The following C18orf54 variants were observed in gnomAD, a reference collection of about 807,000 sequenced individuals.
C18orf54 encodes the protein chromosome 18 open reading frame 54.
Under a neutral mutation model 49.3 loss-of-function variants are expected in C18orf54, and 49 were observed. That is an observed-to-expected ratio of 0.99 (90% CI 0.79 to 1.26). C18orf54 has a LOEUF of 1.26. C18orf54 is among the 50% of genes most tolerant of loss of function. The pLI, the probability that C18orf54 is intolerant of heterozygous loss-of-function variation, is 0.00. For synonymous variants in C18orf54, 211 were observed against 216.6 expected (o/e 0.97, Z 0.23); for missense variants, 687 against 620.6 (o/e 1.11, Z -1.14).
In C18orf54 at chr18:54,381,812, T is replaced by C. The variant is rs1315649709; in HGVS notation, c.*3566T>C. The C allele has an allele frequency of 1.3e-5, 2 of 152,220 alleles. No individual in the cohort carries two copies. Among genetic ancestry groups the C allele is most frequent in the Non-Finnish European group, 2.9e-5 (2 of 68,020 alleles). The allele number at this position is 152,220 out of a possible 1,614,324, so 9.4% of individuals were successfully genotyped here. On this transcript the variant is annotated 3_prime_UTR_variant, in exon 9 of 9. Coordinates refer to ENST00000620105, the MANE Select transcript of C18orf54 (RefSeq NM_001288980.2). Reference sequence around the variant, plus strand: ...TTAATGTTTTGGGTGGTGCCTCTTATACTATGTTGTATTCCTAGACAAGGA... The same window carrying C: ...TTAATGTTTTGGGTGGTGCCTCTTACACTATGTTGTATTCCTAGACAAGGA...
At position 54,362,192 on chromosome 18, in the gene C18orf54, G is replaced by A. The variant is rs1599326932; in HGVS notation, c.833G>A (p.Arg278Lys). The change falls in exon 4 of 9, where the codon AGG becomes AAG. Residue 278 changes from arginine to lysine, a missense_variant. Coordinates refer to ENST00000620105, the MANE Select transcript of C18orf54 (RefSeq NM_001288980.2). ...QDLLPDANSQ[R>K]VYQIFKDDQC... ...TTGCTACCTGATGCAAATAGTCAAA[G>A]GGTTTATCAGATATTTAAAGATGAT... 10 of 1,536,150 alleles carry A rather than the reference G, an allele frequency of 6.5e-6. No individual in the cohort carries two copies. The highest frequency in any genetic ancestry group is 7.8e-6 in the Non-Finnish European group (9 of 1,146,886).
chr18:54,372,559 C>A lies in C18orf54; in HGVS notation c.1420C>A (p.Gln474Lys). 1 of 1,608,728 alleles carries A rather than the reference C, an allele frequency of 6.2e-7. No individual in the cohort carries two copies. The highest frequency in any genetic ancestry group is 8.5e-7 in the Non-Finnish European group (1 of 1,176,910). The change falls in exon 7 of 9, where the codon CAA becomes AAA. Residue 474 changes from glutamine to lysine, a missense_variant. Gln to Lys is a moderately conservative substitution (Grantham distance 53). Coordinates refer to ENST00000620105, the MANE Select transcript of C18orf54 (RefSeq NM_001288980.2). Reference sequence around the variant, plus strand: ...TCAAGCAGTACAAGAACGTTTTAATCAAAATAAGACCACAGATCCAAAAGA... The same window carrying A: ...TCAAGCAGTACAAGAACGTTTTAATAAAAATAAGACCACAGATCCAAAAGA... Reference protein sequence around the residue: ...NLQAVQERFNQNKTTDPKEEI... With the variant: ...NLQAVQERFNKNKTTDPKEEI...
chr18:54,366,902 A>T (rs1423437339), intron 6 of C18orf54, among the ~76,000 whole-genome samples: 1 of 152,056 alleles, frequency 6.6e-6, no homozygotes, highest in Admixed American at 6.6e-5. Flanking sequence ...GAAATCTTAA[A>T]CCATAATAAT....
In C18orf54 at chr18:54,361,921, C is replaced by T. The variant is rs374789120; in HGVS notation, c.562C>T (p.Arg188Cys). Residue 188 changes from arginine (R) to cysteine (C), a missense_variant, in exon 4 of 9, where the codon CGC becomes TGC. By Grantham distance (180) the Arg-to-Cys change is radical. Coordinates refer to ENST00000620105, the MANE Select transcript of C18orf54 (RefSeq NM_001288980.2). ...GGATAACTTTGTTACTCCTGTTATACGCTCAAATATAAATGGAAAGCAATG... is the reference window on the plus strand; with the variant it reads ...GGATAACTTTGTTACTCCTGTTATATGCTCAAATATAAATGGAAAGCAATG... Reference protein sequence around the residue: ...GKDNFVTPVIRSNINGKQCGR... With the variant: ...GKDNFVTPVICSNINGKQCGR... 1.3e-4 allele frequency: 203 copies of T among 1,614,096 alleles called. No homozygotes were observed. The highest frequency in any genetic ancestry group is 3.3e-4 in the Middle Eastern group (2 of 6,062).
chr18:54,373,248 C>G (rs2089519316), intron 7 of C18orf54, among the ~76,000 whole-genome samples: 1 of 151,686 alleles, frequency 6.6e-6, no homozygotes, highest in Non-Finnish European at 1.5e-5. Flanking sequence ...AATATTTGTG[C>G]AAATCATTTA....
In C18orf54 at chr18:54,362,038, G is replaced by C; in HGVS notation, c.679G>C (p.Asp227His). The change falls in exon 4 of 9, where the codon GAC (aspartate) becomes CAC (histidine). Residue 227 changes from aspartate (D) to histidine (H), a missense_variant. Physicochemically the swap from Asp to His is moderately conservative, Grantham distance 81. Coordinates refer to ENST00000620105, the MANE Select transcript of C18orf54 (RefSeq NM_001288980.2). ...TTTTCCCAAGAAATCGTCTTTCAAG[G>C]ACAGTTCAGAACACAGTCTTGAAAA... Reference protein sequence around the residue: ...LSFPKKSSFKDSSEHSLEKNY... With the variant: ...LSFPKKSSFKHSSEHSLEKNY... 6.3e-7 allele frequency: 1 copy of C among 1,578,368 alleles called. No individual in the cohort carries two copies. Among genetic ancestry groups the C allele is most frequent in the Non-Finnish European group, 8.6e-7 (1 of 1,162,354 alleles).
At chr18:54,377,674 A>G (rs1335857930) in intron 8 of C18orf54, among the ~76,000 whole-genome samples, 1 of 152,210 alleles carries the variant, frequency 6.6e-6, no homozygotes, top group Admixed American at 6.5e-5. Context: ...AGCTTCCCCT[A>G]TGATCAATAA....
intron 6 of C18orf54, among the ~76,000 whole-genome samples, chr18:54,370,803 T>C (rs1230265044): frequency 6.6e-6 from 1 of 152,132 alleles, no homozygotes; most frequent in African/African-American, 2.4e-5. Flanking sequence ...GAGGCAGCCT[T>C]TTGTAACTAT....
intron 6 of C18orf54, among the ~76,000 whole-genome samples, chr18:54,369,056 G>A (rs771371077): frequency 3.9e-5 from 6 of 152,088 alleles, no homozygotes; most frequent in Admixed American, 6.6e-5. Context: ...TAGAAACTAG[G>A]ATCTAGGCAT....
intron 8 of C18orf54, 102 bp from the exon 9 acceptor site, chr18:54,378,071 AT>A: frequency 1.4e-6 from 1 of 697,178 alleles, no homozygotes; most frequent in Non-Finnish European, 2.2e-6. Flanking sequence ...TCTCATACCA[AT>A]TTTGAAGTTA....
In C18orf54 at chr18:54,357,972, C is replaced by G. The variant is rs557652267; in HGVS notation, c.-247C>G. 1 of 152,582 alleles carries G rather than the reference C, an allele frequency of 6.6e-6. No individual in the cohort carries two copies. Among genetic ancestry groups the G allele is most frequent in the Non-Finnish European group, 1.5e-5 (1 of 68,278 alleles). The allele number at this position is 152,582 out of a possible 1,614,324, so 9.5% of individuals were successfully genotyped here. On this transcript the variant is annotated 5_prime_UTR_variant, in exon 1 of 9. Transcript: ENST00000620105. ...TCTGCTGTGACTGCGGAGGAAGCTG[C>G]GAGTGAGCCGAGCCTGAGGCGGGGC...
chr18:54,378,148 A>C (rs573009456), intron 8 of C18orf54, 26 bp from the exon 9 acceptor site: 1 of 1,585,000 alleles, frequency 6.3e-7, no homozygotes, highest in East Asian at 2.2e-5. Flanking sequence ...ACTGGTTTAT[A>C]ATGTGTTTTA....
rs1384205100 is a variant in C18orf54 at position 54,378,880 on chromosome 18, G to C, written c.*634G>C. 6.6e-6 allele frequency: 1 copy of C among 152,056 alleles called. No homozygotes were observed. The highest frequency in any genetic ancestry group is 2.4e-5 in the African/African-American group (1 of 41,424). 9.4% of individuals were successfully genotyped at this position (152,056 alleles called of 1,614,324 possible). ...AACCTCCTCATTTAATTAGTACTTT[G>C]ATTCTGTGTAAGATAATCTTGGTAG... On this transcript the variant is annotated 3_prime_UTR_variant, in exon 9 of 9. Coordinates refer to ENST00000620105, the MANE Select transcript of C18orf54 (RefSeq NM_001288980.2).
chr18:54,374,222 A>G lies in C18orf54; in HGVS notation c.1467A>G (p.Glu489=). Residue 489 remains glutamate (E), a synonymous_variant, in exon 8 of 9, where the codon GAA becomes GAG. Transcript: ENST00000620105. ...GGTGTTTTTAATAATAGGTTTCAGA[A>G]GATGATTTCTCTAAATTACAGTTGA... is the stretch of plus-strand genomic sequence containing the variant. ...DPKEEIKQVS[E]DDFSKLQLKE... 6.3e-7 allele frequency: 1 copy of G among 1,576,432 alleles called. No homozygotes were observed.
In C18orf54 at chr18:54,379,905, G is replaced by A. The variant is rs1227497466; in HGVS notation, c.*1659G>A. ...AATTATGACTGAAAAGCACCTATTC[G>A]GTTAGTGCTCCTATTCATGAGAACA... On this transcript the variant is annotated 3_prime_UTR_variant, in exon 9 of 9. Transcript: ENST00000620105. 5 of 151,858 alleles carry A rather than the reference G, an allele frequency of 3.3e-5. No homozygotes were observed. The highest frequency in any genetic ancestry group is 1.9e-4 in the East Asian group (1 of 5,188). The allele number at this position is 151,858 out of a possible 1,614,324, so 9.4% of individuals were successfully genotyped here.
chr18:54,376,081 A>G (rs1238325369), intron 8 of C18orf54, among the ~76,000 whole-genome samples: 2 of 152,242 alleles, frequency 1.3e-5, no homozygotes. Flanking sequence ...AAATATTTCA[A>G]AAGTTACTGA....
chr18:54,360,119 TGGTAGTA>T (rs2144714983), intron 2 of C18orf54, among the ~76,000 whole-genome samples: 1 of 152,304 alleles, frequency 6.6e-6, no homozygotes, highest in South Asian at 2.1e-4. Flanking sequence ...CTGCAGCACA[TGGTAGTA>T]GGCTTATGAT....
Position 54,378,268 on chromosome 18 carries a change from C to G in C18orf54, c.*22C>G, listed in dbSNP as rs1464939651. On this transcript the variant is annotated 3_prime_UTR_variant, in exon 9 of 9. Coordinates refer to ENST00000620105, the MANE Select transcript of C18orf54 (RefSeq NM_001288980.2). Reference sequence around the variant, plus strand: ...GTGAAGAGGAAAATGAAACTGTCACCACAATGAATAGTCACCACAGAACAA... The same window carrying G: ...GTGAAGAGGAAAATGAAACTGTCACGACAATGAATAGTCACCACAGAACAA... The G allele has an allele frequency of 6.3e-7, 1 of 1,596,778 alleles. No homozygotes were observed. Among genetic ancestry groups the G allele is most frequent in the Admixed American group, 1.7e-5 (1 of 59,878 alleles).
chr18:54,358,237 G>A (rs1244102576), intron 1 of C18orf54, among the ~76,000 whole-genome samples, 162 bp downstream of exon 1: 1 of 152,134 alleles, frequency 6.6e-6, no homozygotes, highest in Non-Finnish European at 1.5e-5. Context: ...TCTCCTGAGG[G>A]AGGGCGCTTG....
Sources: gnomAD v4.1 joint callset for allele counts (sites outside exome capture counted in the v4.1 genomes callset) on GRCh38, gnomAD v4.1.1 for gene constraint, MANE v1.5 for transcripts, NCBI Gene and HGNC (gene_info 2026-07-23, HGNC 2026-07-21) for gene names.